The following HPSE2 variants were observed in gnomAD, a reference collection of about 807,000 sequenced individuals.
The protein encoded by HPSE2 is heparanase 2 (inactive), also known as inactive heparanase-2.
A neutral mutation model predicts 60.5 loss-of-function variants in HPSE2; 38 were observed. The ratio of observed to expected loss-of-function variants is 0.63; its 90% CI spans 0.48 to 0.82. HPSE2 has a LOEUF of 0.82. HPSE2 is among the 40% of genes least tolerant of loss of function. The pLI is 0.00. For missense variants in HPSE2, 713 were observed against 740.4 expected (o/e 0.96, Z 0.43); for synonymous variants, 295 against 293.2 (o/e 1.01, Z -0.06).
rs533115655 is a variant in HPSE2, at chr10:98,483,905, A to C, written c.1467-1123T>G. Among the ~76,000 whole-genome samples the C allele has an allele frequency of 5.3e-5, 8 of 152,276 alleles. No individual in the cohort carries two copies. In the South Asian group the frequency reaches 1.7e-3, roughly 32 times the overall value. On this transcript the variant is annotated intron_variant, in intron 10 of 11. Transcript: ENST00000370552. ...TAACCTCACCTATCCTGACAGATAC[A>C]CACTTTTTGATGCCATTGATATTAA...
At chr10:99,011,018 C>T (rs1253311131) in intron 3 of HPSE2, among the ~76,000 whole-genome samples, 2 of 151,944 alleles carry the variant, frequency 1.3e-5, no homozygotes, top group African/African-American at 4.8e-5. Flanking sequence ...CACCCTTCAA[C>T]CCCTCTGTAG....
intron 3 of HPSE2, among the ~76,000 whole-genome samples, chr10:99,026,295 C>T (rs935945357): frequency 6.6e-6 from 1 of 151,948 alleles, no homozygotes; most frequent in Non-Finnish European, 1.5e-5. Flanking sequence ...TATTCCATGC[C>T]AGTGGAAACC....
At chr10:98,764,889 A>C (rs1330224488) in intron 3 of HPSE2, among the ~76,000 whole-genome samples, 3 of 152,104 alleles carry the variant, frequency 2.0e-5, no homozygotes, top group Non-Finnish European at 4.4e-5. Context: ...AACAAACAAA[A>C]AAACTAGAGT....
the HPSE2 span, among the ~76,000 whole-genome samples, chr10:99,313,851 C>T: frequency 3.3e-5 from 5 of 151,902 alleles, no homozygotes; most frequent in South Asian, 2.1e-4. Context: ...CTGCCGGCCT[C>T]GACCTCCCAA....
intron 2 of HPSE2, among the ~76,000 whole-genome samples, chr10:99,214,520 A>G (rs1054462934): frequency 1.3e-5 from 2 of 152,226 alleles, no homozygotes; most frequent in African/African-American, 4.8e-5. Context: ...AAAGGAAATG[A>G]AATACTAATA....
chr10:98,771,413 A>C (rs1259353114), intron 3 of HPSE2, among the ~76,000 whole-genome samples: 2 of 152,074 alleles, frequency 1.3e-5, no homozygotes, highest in African/African-American at 2.4e-5. Context: ...ACCCTTCCCT[A>C]ATAAGAGGTA....
rs745577373 is a variant in HPSE2, at chr10:98,459,634, T to A, written c.1719A>T (p.Pro573=). The change falls in exon 12 of 12, where the codon CCA becomes CCT. Residue 573 remains proline, a synonymous_variant. Coordinates refer to ENST00000370552, the MANE Select transcript of HPSE2 (RefSeq NM_021828.5). ...TGACCACATAAAAGCCCATGGTGAC[T>A]GGAGGGATGACCAATGTCCGGCCGG... ...LRAGRTLVIP[P]VTMGFYVVKN... 14 of 1,614,142 alleles carry A rather than the reference T, an allele frequency of 8.7e-6. No homozygotes were observed. The South Asian group carries it at 1.3e-4, about 15-fold the overall frequency.
rs150849371 is a variant in HPSE2 at position 98,718,996 on chromosome 10, G to A, written c.956+2661C>T. On this transcript the variant is annotated intron_variant, in intron 5 of 11. Transcript: ENST00000370552. ...TGTCATAAATATGTACAACAAATAC[G>A]TACGATTTTTATGTATCAATAAAAT... 1.3e-3 allele frequency among the ~76,000 whole-genome samples: 195 copies of A among 152,070 alleles called. 1 individual carries two copies. The highest frequency in any genetic ancestry group is 4.5e-3 in the African/African-American group (186 of 41,504).
chr10:98,668,031 C>CTTTTCCAGGAG (rs1347830968), intron 6 of HPSE2, among the ~76,000 whole-genome samples: 31 of 152,044 alleles, frequency 2.0e-4, no homozygotes, highest in African/African-American at 7.2e-4. Flanking sequence ...ATAGAAAACC[C>CTTTTCCAGGAG]AAAAGGCTCC....
intron 9 of HPSE2, among the ~76,000 whole-genome samples, chr10:98,592,637 G>C (rs1945121210): frequency 6.6e-6 from 1 of 152,170 alleles, no homozygotes; most frequent in Non-Finnish European, 1.5e-5. Flanking sequence ...GTGGTCCAGA[G>C]AGAGCCTAAA....
At chr10:99,184,817 T>TAGAG (rs1554912270) in intron 2 of HPSE2, among the ~76,000 whole-genome samples, 10 of 17,200 alleles carry the variant, frequency 5.8e-4, no homozygotes, top group Admixed American at 1.6e-3. Context: ...TATATATATA[T>TAGAG]ATAGAGAGAG....
At chr10:98,590,980 G>A (rs528079742) in intron 9 of HPSE2, among the ~76,000 whole-genome samples, 1 of 152,252 alleles carries the variant, frequency 6.6e-6, no homozygotes, top group South Asian at 2.1e-4. Context: ...TATGTAAAAT[G>A]CTTAGACCAT....
intron 9 of HPSE2, among the ~76,000 whole-genome samples, chr10:98,504,083 A>G (rs752023451): frequency 6.6e-5 from 10 of 152,208 alleles, no homozygotes; most frequent in Non-Finnish European, 8.8e-5. Context: ...AAATAAATAA[A>G]TATAGCTTTG....
chr10:99,302,755 T>C, the HPSE2 span, among the ~76,000 whole-genome samples: 1 of 151,732 alleles, frequency 6.6e-6, no homozygotes, highest in Admixed American at 6.6e-5. Flanking sequence ...AAGAAACTAT[T>C]CCAGACTGTA....
At chr10:99,085,690 G>A (rs1215199144) in intron 3 of HPSE2, among the ~76,000 whole-genome samples, 5 of 152,188 alleles carry the variant, frequency 3.3e-5, no homozygotes, top group East Asian at 3.8e-4. Context: ...ATTTTTAAGC[G>A]AAATGACCAG....
intron 3 of HPSE2, among the ~76,000 whole-genome samples, chr10:98,834,936 T>TTAG (rs1951759559): frequency 6.6e-6 from 1 of 152,114 alleles, no homozygotes; most frequent in Non-Finnish European, 1.5e-5. Context: ...TAGCATGTAA[T>TTAG]TAGTTTATAT....
intron 5 of HPSE2, among the ~76,000 whole-genome samples, chr10:98,704,893 A>C (rs1002380836): frequency 6.6e-6 from 1 of 152,226 alleles, no homozygotes; most frequent in African/African-American, 2.4e-5. Flanking sequence ...CTGCAACCAA[A>C]GACAAAATTG....
In HPSE2 at chr10:98,827,796, T is replaced by A. The variant is rs537946616; in HGVS notation, c.611-83740A>T. ...ACATATCCGACCACTATTATTACCA[T>A]GTGATAGCTAATTTTATGTAGATCA... On this transcript the variant is annotated intron_variant, in intron 3 of 11. Coordinates refer to ENST00000370552, the MANE Select transcript of HPSE2 (RefSeq NM_021828.5). Among the ~76,000 whole-genome samples, 4 of 152,348 alleles carry A rather than the reference T, an allele frequency of 2.6e-5. No homozygotes were observed. In the East Asian group the frequency reaches 7.7e-4, roughly 29 times the overall value.
At chr10:99,180,709 A>G (rs1355092486) in intron 2 of HPSE2, among the ~76,000 whole-genome samples, 3 of 151,816 alleles carry the variant, frequency 2.0e-5, no homozygotes, top group Admixed American at 1.3e-4. Flanking sequence ...ACATGGTGAA[A>G]TCCCGTCTCT....
Sources: gnomAD v4.1 joint callset for allele counts (sites outside exome capture counted in the v4.1 genomes callset) on GRCh38, gnomAD v4.1.1 for gene constraint, MANE v1.5 for transcripts, NCBI Gene and HGNC (gene_info 2026-07-23, HGNC 2026-07-21) for gene names.